MCMDC2: variants seen among roughly 807,000 people sequenced by gnomAD.
MCMDC2 encodes the protein minichromosome maintenance domain containing 2, also known as minichromosome maintenance domain-containing protein 2.
A neutral mutation model predicts 75.8 loss-of-function variants in MCMDC2; 54 were observed. The ratio of observed to expected loss-of-function variants is 0.71; its 90% CI spans 0.57 to 0.89. The LOEUF (loss-of-function observed/expected upper bound fraction) is 0.89. Among genes scored for constraint, MCMDC2 ranks in the 40% least tolerant of loss-of-function variants. The pLI is 0.00. For synonymous variants in MCMDC2, 249 were observed against 274.6 expected (o/e 0.91, Z 0.92); for missense variants, 656 against 780.4 (o/e 0.84, Z 1.90).
rs570943359 is a variant in MCMDC2, at chr8:66,894,335, C to A, written c.1280-1835C>A. On this transcript the variant is annotated intron_variant, in intron 10 of 14. Transcript: ENST00000422365. ...AATGACCAAGTAGCCATATCATACTCTTTCTTACTTGGTTGCTTCCCTGTA... is the reference window on the plus strand; with the variant it reads ...AATGACCAAGTAGCCATATCATACTATTTCTTACTTGGTTGCTTCCCTGTA... Among the ~76,000 whole-genome samples the A allele has an allele frequency of 3.9e-4, 59 of 152,340 alleles. 1 individual carries two copies. In the South Asian group the frequency reaches 0.012, roughly 30 times the overall value.
Position 66,891,003 on chromosome 8 carries a change from A to G in MCMDC2, c.1212A>G (p.Lys404=), listed in dbSNP as rs953519469. 3 of 1,607,076 alleles carry G rather than the reference A, an allele frequency of 1.9e-6. No homozygotes were observed. Among genetic ancestry groups the G allele is most frequent in the Non-Finnish European group, 2.5e-6 (3 of 1,178,540 alleles). ...AGGCTGGCAGTGCTTTGCTAGCTAA[A>G]GGTGGTATCTGCTTTATAGGAGACT... ...SIQAGSALLA[K]GGICFIGDLA... is the part of the protein sequence containing the mutation. Residue 404 remains lysine, a synonymous_variant, in exon 10 of 15, where the codon AAA becomes AAG. Transcript: ENST00000422365.
chr8:66,896,710 A>G (rs1265322933), intron 11 of MCMDC2, 70 bp from the exon 12 acceptor site: 1 of 1,113,488 alleles, frequency 9.0e-7, no homozygotes, highest in Non-Finnish European at 1.2e-6. Flanking sequence ...ATTACTTTGT[A>G]ATTAATTATT....
chr8:66,909,194 T>C (rs1456767932), intron 14 of MCMDC2, among the ~76,000 whole-genome samples: 2 of 152,206 alleles, frequency 1.3e-5, no homozygotes, highest in Non-Finnish European at 2.9e-5. Context: ...CCTTCTGCCA[T>C]GATTGTAAGT....
chr8:66,873,744 G>A (rs912391056), intron 1 of MCMDC2, among the ~76,000 whole-genome samples: 1 of 151,902 alleles, frequency 6.6e-6, no homozygotes, highest in Non-Finnish European at 1.5e-5. Flanking sequence ...AAAATTAGCC[G>A]GGCATGGTGG....
chr8:66,889,662 G>A (rs537231322), intron 9 of MCMDC2, among the ~76,000 whole-genome samples: 11 of 152,084 alleles, frequency 7.2e-5, no homozygotes, highest in African/African-American at 2.2e-4. Context: ...AGCCAGGCAC[G>A]GTGGCTTGTG....
chr8:66,878,994 G>A (rs1285316869), intron 7 of MCMDC2, 75 bp downstream of exon 7: 4 of 883,172 alleles, frequency 4.5e-6, no homozygotes, highest in Non-Finnish European at 7.3e-6. Context: ...GCTGGCTCAT[G>A]CCTGTAATCC....
intron 4 of MCMDC2, among the ~76,000 whole-genome samples, chr8:66,875,289 C>G (rs888330898): frequency 6.6e-6 from 1 of 151,750 alleles, no homozygotes; most frequent in African/African-American, 2.4e-5. Context: ...TTTCTTCTTT[C>G]TTTTTTTGAG....
intron 4 of MCMDC2, among the ~76,000 whole-genome samples, chr8:66,877,143 C>G (rs1334224829): frequency 6.6e-6 from 1 of 152,014 alleles, no homozygotes; most frequent in Non-Finnish European, 1.5e-5. Context: ...GTTCATAATG[C>G]TATTTTCAAT....
rs1337866717 is a variant in MCMDC2 at position 66,902,719 on chromosome 8, T to A, written c.1769+1371T>A. ...AAAAAAAAAAAAAAAAAAATATATA[T>A]ATATATATATATATATATATATACA... On this transcript the variant is annotated intron_variant, in intron 13 of 14. Coordinates refer to ENST00000422365, the MANE Select transcript of MCMDC2 (RefSeq NM_173518.5). Among the ~76,000 whole-genome samples the A allele has an allele frequency of 9.1e-3, 1,147 of 126,500 alleles. 41 individuals are homozygous for A. Among genetic ancestry groups the A allele is most frequent in the African/African-American group, 0.035 (1,057 of 30,460 alleles). The allele number at this position is 126,500 out of a possible 152,430, so 83.0% of individuals were successfully genotyped here.
chr8:66,907,440 A>G (rs1175130577), intron 14 of MCMDC2, among the ~76,000 whole-genome samples: 1 of 152,116 alleles, frequency 6.6e-6, no homozygotes, highest in Non-Finnish European at 1.5e-5. Context: ...TCCATGGTGT[A>G]TATGTGCCAC....
chr8:66,922,597 TA>T (rs756802220), downstream of MCMDC2: 2 of 511,210 alleles, frequency 3.9e-6, no homozygotes, highest in Non-Finnish European at 3.9e-6. Flanking sequence ...TAACTAACAT[TA>T]ATTAAATTTA....
At chr8:66,898,539 G>A (rs933916613) in intron 12 of MCMDC2, among the ~76,000 whole-genome samples, 1 of 150,622 alleles carries the variant, frequency 6.6e-6, no homozygotes, top group Admixed American at 6.7e-5. Context: ...CAGGAGAATC[G>A]CTTGAACCCG....
chr8:66,878,931 C>A lies in MCMDC2; in HGVS notation c.709+12C>A, dbSNP rs773816158. Reference sequence around the variant, plus strand: ...AATTTTCCTAAGAGGTAAGTGAATTCTGTTTGAACTAAAAAAAAATTGCTA... The same window carrying A: ...AATTTTCCTAAGAGGTAAGTGAATTATGTTTGAACTAAAAAAAAATTGCTA... On this transcript the variant is annotated intron_variant, in intron 7 of 14. Coordinates refer to ENST00000422365, the MANE Select transcript of MCMDC2 (RefSeq NM_173518.5). 2 of 1,509,986 alleles carry A rather than the reference C, an allele frequency of 1.3e-6. No individual in the cohort carries two copies. Among genetic ancestry groups the A allele is most frequent in the Non-Finnish European group, 1.8e-6 (2 of 1,090,744 alleles). The allele number at this position is 1,509,986 out of a possible 1,614,324, so 93.5% of individuals were successfully genotyped here. A position where few individuals can be genotyped will look rare whatever the true frequency, so the allele number is the denominator to read the frequency against.
At chr8:66,906,482 A>G (rs1433298146) in intron 14 of MCMDC2, among the ~76,000 whole-genome samples, 1 of 152,198 alleles carries the variant, frequency 6.6e-6, no homozygotes, top group Non-Finnish European at 1.5e-5. Context: ...TAGGATCCAT[A>G]GATGCTTGGT....
chr8:66,912,903 G>A (rs1052860606), intron 14 of MCMDC2, among the ~76,000 whole-genome samples: 3 of 151,646 alleles, frequency 2.0e-5, no homozygotes, highest in African/African-American at 7.3e-5. Context: ...TGCACGTTCT[G>A]CACATGTACC....
At chr8:66,894,815 C>T (rs978067155) in intron 10 of MCMDC2, among the ~76,000 whole-genome samples, 7 of 152,166 alleles carry the variant, frequency 4.6e-5, no homozygotes, top group Non-Finnish European at 1.0e-4. Flanking sequence ...AGAATATTCA[C>T]AGAGTTGTGC....
chr8:66,897,590 T>C (rs1812420953), intron 12 of MCMDC2, among the ~76,000 whole-genome samples: 1 of 152,220 alleles, frequency 6.6e-6, no homozygotes, highest in Non-Finnish European at 1.5e-5. Context: ...AGAATTTTTC[T>C]ATAGAAAATT....
rs565297658 is a variant in MCMDC2 at position 66,893,789 on chromosome 8, G to A, written c.1280-2381G>A. 3.3e-5 allele frequency among the ~76,000 whole-genome samples: 5 copies of A among 152,158 alleles called. No homozygotes were observed. The South Asian group carries it at 1.0e-3, about 32-fold the overall frequency. On this transcript the variant is annotated intron_variant, in intron 10 of 14. Transcript: ENST00000422365. Reference sequence around the variant, plus strand: ...ACTACAGCACCAAAGCTAGTCAGTGGGAAAAGGAGTTTTTTTCATCAAAGG... The same window carrying A: ...ACTACAGCACCAAAGCTAGTCAGTGAGAAAAGGAGTTTTTTTCATCAAAGG...
intron 14 of MCMDC2, among the ~76,000 whole-genome samples, chr8:66,915,872 TA>T (rs1365047988): frequency 1.3e-5 from 2 of 151,930 alleles, no homozygotes; most frequent in Non-Finnish European, 2.9e-5. Flanking sequence ...GCCTAGAATG[TA>T]GAAAGAAAAT....
Sources: gnomAD v4.1 joint callset for allele counts (sites outside exome capture counted in the v4.1 genomes callset) on GRCh38, gnomAD v4.1.1 for gene constraint, MANE v1.5 for transcripts, NCBI Gene and HGNC (gene_info 2026-07-23, HGNC 2026-07-21) for gene names.